Variants in ATAD2B observed in about 807,000 individuals in gnomAD.
ATAD2B encodes ATPase family AAA domain containing 2B.
In ATAD2B, 40 loss-of-function variants were observed where a neutral mutation model predicts 167.6. That is an observed-to-expected ratio of 0.24 (90% CI 0.19 to 0.31). The LOEUF (loss-of-function observed/expected upper bound fraction) is 0.31. Ranked by LOEUF, ATAD2B falls within the 10% of genes least tolerant of loss-of-function variation. The probability of loss-of-function intolerance (pLI) is 1.00; values close to 1 mark genes in which losing one functional copy is unlikely to be tolerated. For synonymous variants in ATAD2B, 579 were observed against 596.5 expected (o/e 0.97, Z 0.43); for missense variants, 1,242 against 1,757.2 (o/e 0.71, Z 5.24).
intron 13 of ATAD2B, among the ~76,000 whole-genome samples, chr2:23,847,853 C>T (rs866451741): frequency 6.6e-6 from 1 of 150,644 alleles, no homozygotes; most frequent in Non-Finnish European, 1.5e-5. Flanking sequence ...ATTAGCCAGG[C>T]GTGGTGGCAC....
At chr2:23,821,821 TG>T (rs997827019) in intron 16 of ATAD2B, among the ~76,000 whole-genome samples, 7 of 152,328 alleles carry the variant, frequency 4.6e-5, no homozygotes, top group Admixed American at 1.3e-4. Flanking sequence ...TATTTATTTT[TG>T]TTTTTAATTT....
chr2:23,892,931 G>C (rs1373517218), intron 2 of ATAD2B, among the ~76,000 whole-genome samples: 3 of 152,138 alleles, frequency 2.0e-5, no homozygotes, highest in Non-Finnish European at 4.4e-5. Context: ...GTATTTGTAA[G>C]CTACAACATC....
chr2:23,901,392 G>C (rs894608477), intron 1 of ATAD2B, among the ~76,000 whole-genome samples: 1 of 148,936 alleles, frequency 6.7e-6, no homozygotes, highest in South Asian at 2.1e-4. Context: ...TCTCCCTGAA[G>C]AATCTAGCCT....
At chr2:23,896,025 G>T (rs950385590) in intron 1 of ATAD2B, 55 bp from the exon 2 acceptor site, 1 of 1,443,298 alleles carries the variant, frequency 6.9e-7, no homozygotes, top group African/African-American at 1.4e-5. Context: ...AAATAGAATT[G>T]TTAATACTAG....
intron 25 of ATAD2B, among the ~76,000 whole-genome samples, chr2:23,756,717 G>A (rs1196135514): frequency 1.3e-5 from 2 of 152,132 alleles, no homozygotes; most frequent in African/African-American, 4.8e-5. Context: ...TGATTGCTCT[G>A]CTTCTTTCCC....
chr2:23,754,548 AG>A, intron 26 of ATAD2B, 98 bp downstream of exon 26: 1 of 1,421,852 alleles, frequency 7.0e-7, no homozygotes, highest in Non-Finnish European at 9.6e-7. Context: ...TTTATATTTC[AG>A]GGTTAAAGCA....
At chr2:23,820,852 G>A (rs1048724711) in intron 16 of ATAD2B, among the ~76,000 whole-genome samples, 3 of 152,140 alleles carry the variant, frequency 2.0e-5, no homozygotes, top group African/African-American at 7.2e-5. Context: ...GGGAGGCTGA[G>A]GCAGAAGAAT....
At chr2:23,872,140 T>C (rs1696084331) in intron 8 of ATAD2B, 1 of 267,246 alleles carries the variant, frequency 3.7e-6, no homozygotes, top group African/African-American at 2.2e-5. Flanking sequence ...CCTCCCAAAC[T>C]GCTGGGATTA....
At chr2:23,873,163 TTATG>T in intron 8 of ATAD2B, 6 of 349,504 alleles carry the variant, frequency 1.7e-5, no homozygotes, top group South Asian at 1.6e-4. Flanking sequence ...GTTCCCAAGT[TTATG>T]TGTGTATTGG....
intron 6 of ATAD2B, among the ~76,000 whole-genome samples, chr2:23,883,279 C>CAAAA (rs56994882): frequency 1.1e-5 from 1 of 88,990 alleles, no homozygotes. Flanking sequence ...AAAACTGTCT[C>CAAAA]AAAAAAAAAA....
chr2:23,678,377 G>T, the ATAD2B span, among the ~76,000 whole-genome samples: 3,167 of 152,316 alleles, frequency 0.021, 62 homozygotes, highest in African/African-American at 0.041. Context: ...CTGAATGGGA[G>T]CTATGGCCTC....
the ATAD2B span, among the ~76,000 whole-genome samples, chr2:23,723,172 A>T: frequency 6.6e-6 from 1 of 152,144 alleles, no homozygotes; most frequent in African/African-American, 2.4e-5. Flanking sequence ...ATGTGCCTAT[A>T]GTCCCAGCTA....
At chr2:23,804,174 A>G (rs1683958771) in intron 18 of ATAD2B, among the ~76,000 whole-genome samples, 1 of 152,216 alleles carries the variant, frequency 6.6e-6, no homozygotes, top group South Asian at 2.1e-4. Flanking sequence ...AACCTTTACC[A>G]ATTATTTAAA....
At chr2:23,766,092 TA>T (rs1339014724) in intron 22 of ATAD2B, among the ~76,000 whole-genome samples, 3 of 152,150 alleles carry the variant, frequency 2.0e-5, no homozygotes, top group African/African-American at 7.2e-5. Context: ...AAAGGTGACT[TA>T]TTTTTTTTTA....
At chr2:23,691,429 T>A in the ATAD2B span, 1 of 569,970 alleles carries the variant, frequency 1.8e-6, no homozygotes, top group South Asian at 2.1e-5. Context: ...TTGATTTGCA[T>A]CTTTTTTTGC....
intron 13 of ATAD2B, among the ~76,000 whole-genome samples, chr2:23,856,802 G>A (rs1209997434): frequency 6.6e-6 from 1 of 152,146 alleles, no homozygotes; most frequent in Non-Finnish European, 1.5e-5. Flanking sequence ...GGAGGTTGCA[G>A]TGAGCCGCGA....
At chr2:23,826,447 A>G (rs1688272527) in intron 15 of ATAD2B, among the ~76,000 whole-genome samples, 1 of 152,220 alleles carries the variant, frequency 6.6e-6, no homozygotes, top group Admixed American at 6.5e-5. Flanking sequence ...TTAATATTAA[A>G]GAAATTATAA....
At chr2:23,836,832 C>G (rs1039854450) in intron 13 of ATAD2B, among the ~76,000 whole-genome samples, 2 of 152,064 alleles carry the variant, frequency 1.3e-5, no homozygotes, top group Non-Finnish European at 2.9e-5. Flanking sequence ...CTGGCTGAGC[C>G]GGGGCTTTTA....
At chr2:23,876,910 A>C in intron 7 of ATAD2B, among the ~76,000 whole-genome samples, 1 of 151,704 alleles carries the variant, frequency 6.6e-6, no homozygotes, top group Admixed American at 6.6e-5. Flanking sequence ...TCTACTAAAA[A>C]CACAAAATTA....
Sources: allele counts gnomAD v4.1 joint callset (sites outside exome capture counted in the v4.1 genomes callset), GRCh38; gene constraint gnomAD v4.1.1; transcripts MANE v1.5; gene names NCBI Gene and HGNC (gene_info 2026-07-23, HGNC 2026-07-21).